The following PSMD14 variants were observed in gnomAD, a reference collection of about 807,000 sequenced individuals.
PSMD14 encodes the protein proteasome 26S subunit, non-ATPase 14.
A neutral mutation model predicts 41.2 loss-of-function variants in PSMD14; 7 were observed. The ratio of observed to expected loss-of-function variants is 0.17; its 90% CI spans 0.10 to 0.32. The LOEUF (loss-of-function observed/expected upper bound fraction) is 0.32, where lower values mean the gene tolerates loss of function less well. Ranked by LOEUF, PSMD14 falls within the 10% of genes least tolerant of loss-of-function variation. PSMD14 has a pLI of 1.00. For synonymous variants in PSMD14, 114 were observed against 122.3 expected, an observed-to-expected ratio of 0.93 and a Z score of 0.45; for missense variants, 139 against 375.6, an observed-to-expected ratio of 0.37 and a Z score of 5.21.
rs919924926 is a variant in PSMD14 at position 161,371,453 on chromosome 2, CAAA to C, written c.462+136_462+138del. On this transcript the variant is annotated intron_variant, in intron 7 of 11. Transcript: ENST00000409682. ...AGCTGCTGTCTGTTTACTTAAAAAA[CAAA>C]AAAACTGTACAAGTTGATAACTGTG... 8 of 854,714 alleles carry C rather than the reference CAAA, an allele frequency of 9.4e-6. No individual in the cohort carries two copies. In the South Asian group the frequency reaches 1.4e-4, roughly 15 times the overall value. The allele number at this position is 854,714 out of a possible 1,614,324, so 52.9% of individuals were successfully genotyped here.
chr2:161,380,640 T>C (rs1020908833), intron 7 of PSMD14, among the ~76,000 whole-genome samples: 5 of 152,054 alleles, frequency 3.3e-5, no homozygotes, highest in Non-Finnish European at 7.4e-5. Context: ...AGAGCTAAAA[T>C]TGACATTTTA....
chr2:161,312,175 G>T (rs1300324157), intron 1 of PSMD14, among the ~76,000 whole-genome samples: 3 of 149,452 alleles, frequency 2.0e-5, no homozygotes, highest in Non-Finnish European at 4.4e-5. Context: ...ATGGAGTATC[G>T]TTCTGTCACC....
chr2:161,376,854 A>G (rs764761344), intron 7 of PSMD14, among the ~76,000 whole-genome samples: 4 of 152,004 alleles, frequency 2.6e-5, no homozygotes, highest in African/African-American at 9.7e-5. Flanking sequence ...TGTTTATAAA[A>G]TAAAATCGAG....
chr2:161,380,132 G>C (rs996390536), intron 7 of PSMD14, among the ~76,000 whole-genome samples: 2 of 151,934 alleles, frequency 1.3e-5, no homozygotes, highest in Non-Finnish European at 1.5e-5. Context: ...AGTCTATGAG[G>C]CATCGTCATT....
chr2:161,370,001 G>GT (rs774096001), intron 5 of PSMD14, 106 bp from the exon 6 acceptor site: 26 of 701,566 alleles, frequency 3.7e-5, no homozygotes, highest in South Asian at 3.4e-4. Context: ...TCAAATGTAG[G>GT]TATCAAAACC....
chr2:161,336,244 C>T (rs1682867566), intron 3 of PSMD14, among the ~76,000 whole-genome samples: 1 of 152,174 alleles, frequency 6.6e-6, no homozygotes, highest in Non-Finnish European at 1.5e-5. Flanking sequence ...TAATTTATAA[C>T]TTTTATATCA....
chr2:161,402,698 G>GA (rs11311339), intron 10 of PSMD14, among the ~76,000 whole-genome samples: 2 of 149,914 alleles, frequency 1.3e-5, no homozygotes, highest in Non-Finnish European at 3.0e-5. Flanking sequence ...TTAAAAACAG[G>GA]AAAAAAAAAA....
At chr2:161,345,126 A>C (rs1683021625) in intron 3 of PSMD14, among the ~76,000 whole-genome samples, 2 of 152,056 alleles carry the variant, frequency 1.3e-5, no homozygotes, top group Non-Finnish European at 2.9e-5. Flanking sequence ...TGTTGAAAAG[A>C]CTATTCTTTC....
intron 7 of PSMD14, chr2:161,382,765 G>T (rs898520758): frequency 6.6e-6 from 1 of 151,720 alleles, no homozygotes; most frequent in Non-Finnish European, 1.5e-5. Context: ...TTAAGTTACT[G>T]TTTGAGTTTA....
chr2:161,322,485 A>G (rs974987749), intron 3 of PSMD14, among the ~76,000 whole-genome samples: 8 of 152,020 alleles, frequency 5.3e-5, no homozygotes, highest in African/African-American at 1.9e-4. Flanking sequence ...GCCCTCCTGG[A>G]TTCAAGTGAT....
At chr2:161,360,816 G>A (rs948325236) in intron 3 of PSMD14, among the ~76,000 whole-genome samples, 9 of 152,006 alleles carry the variant, frequency 5.9e-5, no homozygotes, top group Admixed American at 3.3e-4. Flanking sequence ...GATTACAGGC[G>A]TGAGCCACCA....
At chr2:161,402,985 G>T (rs1683900759) in intron 10 of PSMD14, among the ~76,000 whole-genome samples, 1 of 152,196 alleles carries the variant, frequency 6.6e-6, no homozygotes, top group African/African-American at 2.4e-5. Flanking sequence ...CAGTTTGGTG[G>T]TTCCTCAAAA....
intron 3 of PSMD14, among the ~76,000 whole-genome samples, chr2:161,328,962 G>A (rs1682745170): frequency 6.6e-6 from 1 of 152,084 alleles, no homozygotes; most frequent in Admixed American, 6.5e-5. Flanking sequence ...AATAAAGTCA[G>A]AAATTCATTT....
intron 3 of PSMD14, among the ~76,000 whole-genome samples, chr2:161,360,052 A>AT (rs1403427819): frequency 2.6e-5 from 4 of 152,182 alleles, no homozygotes; most frequent in Admixed American, 1.3e-4. Context: ...TAAACAAAAA[A>AT]CAAAGATGTG....
chr2:161,315,904 C>T (rs1484227254), intron 1 of PSMD14, among the ~76,000 whole-genome samples: 2 of 143,152 alleles, frequency 1.4e-5, no homozygotes, highest in African/African-American at 2.6e-5. Context: ...AGTGCAATGG[C>T]GCGTTCTCGG....
At chr2:161,338,806 T>C (rs1415506215) in intron 3 of PSMD14, among the ~76,000 whole-genome samples, 1 of 152,178 alleles carries the variant, frequency 6.6e-6, no homozygotes, top group Non-Finnish European at 1.5e-5. Context: ...GTAGTCCCTT[T>C]CCTTGCACTT....
chr2:161,410,896 TCCG>T (rs1684014390), intron 11 of PSMD14, among the ~76,000 whole-genome samples: 1 of 152,094 alleles, frequency 6.6e-6, no homozygotes, highest in Non-Finnish European at 1.5e-5. Flanking sequence ...CTTTGGTATG[TCCG>T]CTTTGAATTA....
At chr2:161,406,789 ACTCT>A (rs752836502) in intron 10 of PSMD14, among the ~76,000 whole-genome samples, 17 of 152,056 alleles carry the variant, frequency 1.1e-4, no homozygotes, top group Non-Finnish European at 2.2e-4. Flanking sequence ...GAGTTTGTGA[ACTCT>A]CTCTTTTAAT....
At chr2:161,330,435 A>G (rs1247864921) in intron 3 of PSMD14, among the ~76,000 whole-genome samples, 2 of 152,320 alleles carry the variant, frequency 1.3e-5, no homozygotes, top group South Asian at 4.1e-4. Flanking sequence ...CCTACCTTCA[A>G]CATTGTTTTA....
Sources: allele counts gnomAD v4.1 joint callset (sites outside exome capture counted in the v4.1 genomes callset), GRCh38; gene constraint gnomAD v4.1.1; transcripts MANE v1.5; gene names NCBI Gene and HGNC (gene_info 2026-07-23, HGNC 2026-07-21).